MALT1: variants seen among roughly 807,000 people sequenced by gnomAD.
MALT1 encodes the protein mucosa-associated lymphoid tissue lymphoma translocation protein 1.
Under a neutral mutation model 85.5 loss-of-function variants are expected in MALT1, and 36 were observed. The ratio of observed to expected loss-of-function variants is 0.42; its 90% confidence interval spans 0.32 to 0.56. The LOEUF is 0.56. MALT1 is among the 20% of genes least tolerant of loss of function. The pLI is 0.10. For missense variants in MALT1, 716 were observed against 981.6 expected, an observed-to-expected ratio of 0.73 and a Z score of 3.62; for synonymous variants, 359 against 361.3, an observed-to-expected ratio of 0.99 and a Z score of 0.07.
chr18:58,743,874 G>A (rs1433411396), intron 14 of MALT1, among the ~76,000 whole-genome samples: 1 of 151,854 alleles, frequency 6.6e-6, no homozygotes, highest in African/African-American at 2.4e-5. Flanking sequence ...CATATGTAAA[G>A]GAACAATCAC....
intron 2 of MALT1, among the ~76,000 whole-genome samples, chr18:58,692,452 C>CTCTCT (rs2054524948): frequency 7.1e-6 from 1 of 140,956 alleles, no homozygotes; most frequent in East Asian, 2.4e-4. Flanking sequence ...CTCCCTCCCT[C>CTCTCT]CCTCCCTCCC....
Position 58,754,076 on chromosome 18 carries a change from A to C in MALT1, c.*6234A>C, listed in dbSNP as rs1441956609. 2 of 152,230 alleles carry C rather than the reference A, an allele frequency of 1.3e-5. No homozygotes were observed. Among genetic ancestry groups the C allele is most frequent in the Non-Finnish European group, 2.9e-5 (2 of 68,044 alleles). 9.4% of individuals were successfully genotyped at this position (152,230 alleles called of 1,614,324 possible). ...AAACATTTTACACACAGTCTTATTT[A>C]AAACAGCCTTGCAGTTTATAGATGA... is the stretch of plus-strand genomic sequence containing the variant. On this transcript the variant is annotated 3_prime_UTR_variant, in exon 17 of 17. Transcript: ENST00000649217.
rs2055468517 is a variant in MALT1 at position 58,753,085 on chromosome 18, C to T, written c.*5243C>T. The T allele has an allele frequency of 6.6e-6, 1 of 152,158 alleles. No individual in the cohort carries two copies. The highest frequency in any genetic ancestry group is 1.5e-5 in the Non-Finnish European group (1 of 68,036). The allele number at this position is 152,158 out of a possible 1,614,324, so 9.4% of individuals were successfully genotyped here. A position where few individuals can be genotyped will look rare whatever the true frequency, so the allele number is the denominator to read the frequency against. On this transcript the variant is annotated 3_prime_UTR_variant, in exon 17 of 17. Transcript: ENST00000649217. The stretch of plus-strand genomic sequence containing the variant: ...CAGAGCTGGCAGTACTAAATAAGAC[C>T]ATTCCTCTAAAGTGCCAGCATTTTG...
intron 2 of MALT1, among the ~76,000 whole-genome samples, chr18:58,689,969 G>C (rs1020490296): frequency 6.6e-5 from 10 of 152,174 alleles, no homozygotes; most frequent in African/African-American, 2.2e-4. Context: ...AGCAGTTCGT[G>C]GAGGACTTTG....
chr18:58,709,108 T>A (rs2054796667), intron 4 of MALT1, among the ~76,000 whole-genome samples: 1 of 152,220 alleles, frequency 6.6e-6, no homozygotes, highest in Non-Finnish European at 1.5e-5. Context: ...TAATTGACAA[T>A]TCATACTAAC....
intron 4 of MALT1, among the ~76,000 whole-genome samples, chr18:58,705,101 T>C (rs1281177616): frequency 6.6e-6 from 1 of 152,104 alleles, no homozygotes; most frequent in Non-Finnish European, 1.5e-5. Context: ...AGCTGTGTCT[T>C]AGTGTTATTT....
intron 1 of MALT1, among the ~76,000 whole-genome samples, chr18:58,680,950 A>T (rs1602275006): frequency 6.6e-6 from 1 of 151,624 alleles, no homozygotes; most frequent in African/African-American, 2.4e-5. Context: ...AAAAAAAAAA[A>T]AAAAATAATC....
chr18:58,748,036 T>TTTTGTGAATTGGTTGAA lies in MALT1; in HGVS notation c.*196_*212dup, dbSNP rs2055395357. 1.8e-6 allele frequency: 1 copy of TTTTGTGAATTGGTTGAA among 566,736 alleles called. No individual in the cohort carries two copies. The highest frequency in any genetic ancestry group is 3.1e-6 in the Non-Finnish European group (1 of 318,848). 35.1% of individuals were successfully genotyped at this position (566,736 alleles called of 1,614,324 possible). ...AATTACAGACTTCCTCTTTCTAAGA[T>TTTTGTGAATTGGTTGAA]TTTGTGAATTGGTTGAATAGTTCTA... On this transcript the variant is annotated 3_prime_UTR_variant, in exon 17 of 17. Coordinates refer to ENST00000649217, the MANE Select transcript of MALT1 (RefSeq NM_006785.4).
At chr18:58,680,929 CAAAAAAAA>C (rs1165265799) in intron 1 of MALT1, among the ~76,000 whole-genome samples, 3 of 67,230 alleles carry the variant, frequency 4.5e-5, no homozygotes, top group South Asian at 6.9e-4. Flanking sequence ...GACTCCGTCT[CAAAAAAAA>C]AAAAAAAAAA....
intron 14 of MALT1, among the ~76,000 whole-genome samples, 198 bp from the exon 15 acceptor site, chr18:58,744,140 A>T (rs2055336548): frequency 6.6e-6 from 1 of 152,192 alleles, no homozygotes; most frequent in African/African-American, 2.4e-5. Flanking sequence ...ACAGTTGGAT[A>T]AGAACTATAA....
At chr18:58,717,016 T>G (rs1042089288) in intron 9 of MALT1, among the ~76,000 whole-genome samples, 4 of 152,136 alleles carry the variant, frequency 2.6e-5, no homozygotes, top group Non-Finnish European at 5.9e-5. Context: ...GAGGACATTT[T>G]TAGTTTATGT....
At chr18:58,727,220 G>A (rs531329517) in intron 10 of MALT1, among the ~76,000 whole-genome samples, 88 of 152,302 alleles carry the variant, frequency 5.8e-4, no homozygotes, top group African/African-American at 2.0e-3. Flanking sequence ...GCCTCAATGA[G>A]AGAAACCCAG....
Position 58,692,445 on chromosome 18 carries a change from C to CTCTCTCTCTCTCTCTCT in MALT1, c.377-3921_377-3920insTCTCTCTCTCTCTCTCT, listed in dbSNP as rs1568129469. ...CTCTCTCTCTCTCTCTCACTCTCTC[C>CTCTCTCTCTCTCTCTCT]CTCCCTCCCTCCCTCCCTCCCTGTC... is the stretch of plus-strand genomic sequence containing the variant. On this transcript the variant is annotated intron_variant, in intron 2 of 16. Coordinates refer to ENST00000649217, the MANE Select transcript of MALT1 (RefSeq NM_006785.4). Among the ~76,000 whole-genome samples the CTCTCTCTCTCTCTCTCT allele has an allele frequency of 2.7e-3, 77 of 28,416 alleles. 2 individuals carry two copies. The highest frequency in any genetic ancestry group is 0.018 in the Middle Eastern group (1 of 56). The allele number at this position is 28,416 out of a possible 152,430, so 18.6% of individuals were successfully genotyped here.
chr18:58,737,355 A>G (rs1279970098), intron 13 of MALT1, among the ~76,000 whole-genome samples: 1 of 151,942 alleles, frequency 6.6e-6, no homozygotes, highest in African/African-American at 2.4e-5. Flanking sequence ...TATGGTGTGC[A>G]CCTGCAGTGC....
At chr18:58,725,696 T>G (rs2055045755) in intron 10 of MALT1, among the ~76,000 whole-genome samples, 1 of 152,206 alleles carries the variant, frequency 6.6e-6, no homozygotes, top group African/African-American at 2.4e-5. Flanking sequence ...AATTACTACC[T>G]TGGTTGTTTA....
At chr18:58,736,802 G>A (rs972334173) in intron 13 of MALT1, among the ~76,000 whole-genome samples, 12 of 152,180 alleles carry the variant, frequency 7.9e-5, no homozygotes, top group East Asian at 1.9e-4. Context: ...GCTCAGTGCC[G>A]TGCACATTGT....
In MALT1 at chr18:58,710,037, A is replaced by G. The variant is rs925353309; in HGVS notation, c.890A>G (p.Asp297Gly). The G allele has an allele frequency of 6.2e-7, 1 of 1,612,538 alleles. No individual in the cohort carries two copies. The highest frequency in any genetic ancestry group is 8.5e-7 in the Non-Finnish European group (1 of 1,179,026). The change falls in exon 6 of 17, where the codon GAC becomes GGC. Residue 297 changes from aspartate to glycine, a missense_variant. Around this residue, in one of 4 missense-constraint regions of MALT1, gnomAD observed 290 missense variants for 380.5 expected, o/e 0.76. Coordinates refer to ENST00000649217, the MANE Select transcript of MALT1 (RefSeq NM_006785.4). ...TGGTGTCATGTATATAATGATCGAG[A>G]CAGTCAAGATAGCAAGAAGGTAGAA... ...TYWCHVYNDR[D>G]SQDSKKVEII...
intron 6 of MALT1, 111 bp downstream of exon 6, chr18:58,710,183 T>A: frequency 1.7e-6 from 1 of 583,692 alleles, no homozygotes; most frequent in South Asian, 2.9e-5. Flanking sequence ...TACTATTTAA[T>A]GATGTGTTAA....
At chr18:58,697,969 T>C (rs1041535127) in intron 3 of MALT1, among the ~76,000 whole-genome samples, 6 of 152,006 alleles carry the variant, frequency 3.9e-5, no homozygotes, top group African/African-American at 1.2e-4. Context: ...ATCAACAGGG[T>C]GGCAACATAA....
Sources: gnomAD v4.1 joint callset for allele counts (sites outside exome capture counted in the v4.1 genomes callset) on GRCh38, gnomAD v4.1.1 for gene constraint, gnomAD v4.1.1 regional missense constraint, MANE v1.5 for transcripts, NCBI Gene and HGNC (gene_info 2026-07-23, HGNC 2026-07-21) for gene names.